SPAG9: variants seen among roughly 807,000 people sequenced by gnomAD.
The protein encoded by SPAG9 is C-Jun-amino-terminal kinase-interacting protein 4.
Under a neutral mutation model 166.5 loss-of-function variants are expected in SPAG9, and 35 were observed. The observed-to-expected ratio is 0.21, with a 90% CI of 0.16 to 0.28. SPAG9 has a LOEUF of 0.28. Ranked by LOEUF, SPAG9 falls within the 10% of genes least tolerant of loss-of-function variation. The probability of loss-of-function intolerance (pLI) is 1.00; values close to 1 mark genes in which losing one functional copy is unlikely to be tolerated. For missense variants in SPAG9, 1,235 were observed against 1,603.3 expected (o/e 0.77, Z 3.92); for synonymous variants, 534 against 565.5 (o/e 0.94, Z 0.79).
chr17:50,996,742 G>T, intron 15 of SPAG9, 48 bp from the exon 16 acceptor site: 1 of 1,589,020 alleles, frequency 6.3e-7, no homozygotes, highest in African/African-American at 1.3e-5. Flanking sequence ...GTTTAATTAC[G>T]TTTATCCCCA....
intron 7 of SPAG9, 94 bp from the exon 8 acceptor site, chr17:51,020,352 T>G (rs2045893530): frequency 2.6e-6 from 2 of 759,900 alleles, no homozygotes; most frequent in Non-Finnish European, 4.3e-6. Flanking sequence ...AAGGTATCAT[T>G]TGAACATTTT....
chr17:51,062,549 C>T (rs574248710), intron 2 of SPAG9, among the ~76,000 whole-genome samples: 1 of 152,202 alleles, frequency 6.6e-6, no homozygotes, highest in African/African-American at 2.4e-5. Context: ...TTCAGATTGG[C>T]TTCTTTCACT....
intron 1 of SPAG9, among the ~76,000 whole-genome samples, chr17:51,104,791 G>A (rs985478042): frequency 6.6e-6 from 1 of 151,688 alleles, no homozygotes; most frequent in African/African-American, 2.4e-5. Flanking sequence ...AAATTAGCCG[G>A]GCGTGGTAGC....
chr17:50,975,373 C>G, intron 27 of SPAG9: 1 of 200,248 alleles, frequency 5.0e-6, no homozygotes, highest in East Asian at 1.7e-4. Context: ...ATTTTTCTCC[C>G]TCACAGTAAG....
intron 29 of SPAG9, among the ~76,000 whole-genome samples, chr17:50,969,800 G>A (rs1973639354): frequency 1.3e-5 from 2 of 152,170 alleles, no homozygotes; most frequent in South Asian, 4.1e-4. Flanking sequence ...AGACTATGCA[G>A]TGCTGAGTCA....
In SPAG9 at chr17:51,068,713, GAAT is replaced by G. The variant is rs150011805; in HGVS notation, c.424+10868_424+10870del. Among the ~76,000 whole-genome samples the G allele has an allele frequency of 3.3e-5, 5 of 152,220 alleles. No individual in the cohort carries two copies. In the East Asian group the frequency reaches 9.6e-4, roughly 29 times the overall value. The stretch of plus-strand genomic sequence containing the variant: ...TATCCATCCCTTTATATGTTTGAAA[GAAT>G]AATCAAATTATTCGTATTTTCCCTG... On this transcript the variant is annotated intron_variant, in intron 2 of 29. Transcript: ENST00000262013.
chr17:51,050,836 A>G (rs1414044352), intron 3 of SPAG9, among the ~76,000 whole-genome samples: 15 of 152,098 alleles, frequency 9.9e-5, no homozygotes, highest in Non-Finnish European at 2.9e-5. Context: ...CACCAGGTCC[A>G]TTGCTTCTGG....
chr17:51,053,503 G>A (rs962323061), intron 3 of SPAG9, among the ~76,000 whole-genome samples: 7 of 152,130 alleles, frequency 4.6e-5, no homozygotes, highest in South Asian at 2.1e-4. Flanking sequence ...TGACCAACAC[G>A]GGAAAACCCC....
At chr17:51,078,092 G>T (rs980717232) in intron 2 of SPAG9, among the ~76,000 whole-genome samples, 1 of 152,044 alleles carries the variant, frequency 6.6e-6, no homozygotes, top group Admixed American at 6.6e-5. Flanking sequence ...ATCATACCCA[G>T]CAAACCTCAA....
chr17:50,970,997 T>C (rs1973753961), intron 28 of SPAG9, 141 bp from the exon 29 acceptor site: 1 of 690,278 alleles, frequency 1.4e-6, no homozygotes, highest in Non-Finnish European at 2.4e-6. Flanking sequence ...TAGAAGGCTC[T>C]GCATGATCAG....
At chr17:51,106,369 CT>C (rs1253311709) in intron 1 of SPAG9, among the ~76,000 whole-genome samples, 1 of 152,114 alleles carries the variant, frequency 6.6e-6, no homozygotes, top group Non-Finnish European at 1.5e-5. Context: ...CCACTCTAGT[CT>C]TTATCCCATC....
intron 1 of SPAG9, among the ~76,000 whole-genome samples, chr17:51,097,231 G>A (rs138216638): frequency 3.3e-5 from 5 of 152,316 alleles, no homozygotes; most frequent in African/African-American, 9.6e-5. Context: ...CCTGCTTTAC[G>A]CATCTTTTCA....
intron 8 of SPAG9, 158 bp from the exon 9 acceptor site, chr17:51,014,511 A>C: frequency 3.6e-6 from 2 of 561,642 alleles, no homozygotes; most frequent in Non-Finnish European, 6.0e-6. Flanking sequence ...AGGCTTCCTA[A>C]GAAATTCTCA....
intron 5 of SPAG9, among the ~76,000 whole-genome samples, chr17:51,032,656 C>T (rs2046425057): frequency 6.6e-6 from 1 of 152,026 alleles, no homozygotes; most frequent in African/African-American, 2.4e-5. Context: ...ACAGATTAGG[C>T]CGGCCGCAGT....
At chr17:51,033,287 A>G (rs917705007) in intron 5 of SPAG9, among the ~76,000 whole-genome samples, 2 of 149,936 alleles carry the variant, frequency 1.3e-5, no homozygotes, top group Non-Finnish European at 3.0e-5. Context: ...AAGTAGAAAG[A>G]TTGTCAAGCT....
In SPAG9 at chr17:50,998,568, G is replaced by A; in HGVS notation, c.1714C>T (p.Pro572Ser). 1 of 1,614,162 alleles carries A rather than the reference G, an allele frequency of 6.2e-7. No individual in the cohort carries two copies. The highest frequency in any genetic ancestry group is 8.5e-7 in the Non-Finnish European group (1 of 1,180,028). Residue 572 changes from proline to serine, a missense_variant, in exon 15 of 30, where the codon CCA becomes TCA. Pro to Ser is a moderately conservative substitution (Grantham distance 74). This residue lies in a region of SPAG9 where 493 missense variants were observed against 559.4 expected (regional missense o/e 0.88). Transcript: ENST00000262013. ...GCATTGTACTTCAGATTAACAGGTGGTTCAGGCTTCTTAGTCGTGTTACTT... is the reference window on the plus strand; with the variant it reads ...GCATTGTACTTCAGATTAACAGGTGATTCAGGCTTCTTAGTCGTGTTACTT... ...SSSNTTKKPE[P>S]PVNLKYNAPT...
At chr17:51,116,304 C>G (rs2049286501) in intron 1 of SPAG9, among the ~76,000 whole-genome samples, 2 of 152,172 alleles carry the variant, frequency 1.3e-5, no homozygotes, top group South Asian at 4.1e-4. Flanking sequence ...CCTCGGCCTC[C>G]CAAAGTGCTG....
intron 26 of SPAG9, among the ~76,000 whole-genome samples, chr17:50,978,746 C>T (rs1974368081): frequency 1.3e-5 from 2 of 152,000 alleles, no homozygotes; most frequent in African/African-American, 4.8e-5. Flanking sequence ...ATGTGAGGAC[C>T]CTGAAATGGG....
chr17:50,992,180 G>A (rs1164062368), intron 19 of SPAG9, among the ~76,000 whole-genome samples: 3 of 151,626 alleles, frequency 2.0e-5, no homozygotes, highest in African/African-American at 4.8e-5. Context: ...GAACCTCCAT[G>A]GCCGGCCTAT....
Sources: allele counts gnomAD v4.1 joint callset (sites outside exome capture counted in the v4.1 genomes callset), GRCh38; gene constraint gnomAD v4.1.1; regional missense constraint gnomAD v4.1.1; transcripts MANE v1.5; gene names NCBI Gene and HGNC (gene_info 2026-07-23, HGNC 2026-07-21).